The following EPHA6 variants were observed in gnomAD, a reference collection of about 807,000 sequenced individuals.
EPHA6 encodes the protein ephrin type-A receptor 6.
In EPHA6, 50 loss-of-function variants were observed where a neutral mutation model predicts 112.0. That is an observed-to-expected ratio of 0.45 (90% CI 0.36 to 0.56). EPHA6 has a LOEUF of 0.56. Ranked by LOEUF, EPHA6 falls within the 20% of genes least tolerant of loss-of-function variation. The probability of loss-of-function intolerance (pLI) is 0.00; values close to 1 mark genes in which losing one functional copy is unlikely to be tolerated. For synonymous variants in EPHA6, 529 were observed against 490.7 expected (o/e 1.08, Z -1.03); for missense variants, 1,280 against 1,417.4 (o/e 0.90, Z 1.56).
intron 10 of EPHA6, among the ~76,000 whole-genome samples, chr3:97,528,703 C>T (rs1346112052): frequency 1.3e-5 from 2 of 152,124 alleles, no homozygotes; most frequent in Non-Finnish European, 2.9e-5. Flanking sequence ...TTGTCTCTTA[C>T]TGCCTGTATG....
At chr3:97,716,642 G>A (rs531332251) in intron 14 of EPHA6, among the ~76,000 whole-genome samples, 1 of 151,270 alleles carries the variant, frequency 6.6e-6, no homozygotes, top group East Asian at 1.9e-4. Flanking sequence ...TGTAAGGAAC[G>A]GAGACTATGC....
chr3:97,283,372 T>C (rs2080353563), intron 5 of EPHA6, among the ~76,000 whole-genome samples: 2 of 152,192 alleles, frequency 1.3e-5, no homozygotes, highest in Admixed American at 6.5e-5. Flanking sequence ...CATTGAATCA[T>C]GTAACTATGC....
chr3:97,257,430 C>T (rs2079352494), intron 5 of EPHA6, among the ~76,000 whole-genome samples: 1 of 151,856 alleles, frequency 6.6e-6, no homozygotes, highest in African/African-American at 2.4e-5. Flanking sequence ...ATATGCATTA[C>T]AAAAAAACTT....
chr3:97,465,352 CCTT>C (rs1025963816), intron 7 of EPHA6, among the ~76,000 whole-genome samples: 2 of 152,016 alleles, frequency 1.3e-5, no homozygotes, highest in African/African-American at 4.8e-5. Flanking sequence ...GTGCCAAAAA[CCTT>C]CTTGCTGCTA....
At chr3:97,440,621 A>C (rs954263626) in intron 6 of EPHA6, among the ~76,000 whole-genome samples, 29 of 151,190 alleles carry the variant, frequency 1.9e-4, no homozygotes, top group African/African-American at 7.0e-4. Flanking sequence ...TAATATATTA[A>C]AGCATAATAG....
At chr3:97,327,793 T>C (rs1317319791) in intron 5 of EPHA6, among the ~76,000 whole-genome samples, 1 of 151,056 alleles carries the variant, frequency 6.6e-6, no homozygotes, top group African/African-American at 2.4e-5. Flanking sequence ...GTAGCAGTAC[T>C]ACATTCATTT....
Position 97,226,363 on chromosome 3 carries a change from A to G in EPHA6, c.1214A>G (p.Gln405Arg). The change falls in exon 4 of 18, where the codon CAG (glutamine) becomes CGG (arginine). Residue 405 changes from glutamine (Q) to arginine (R), a missense_variant. By Grantham distance (43) the Gln-to-Arg change is conservative. Coordinates refer to ENST00000389672, the MANE Select transcript of EPHA6 (RefSeq NM_001080448.3). ...LTYMEATSVC[Q>R]CEKGYFRAEK... ...TACATGGAAGCAACTTCTGTCTGTC[A>G]GTGTGAAAAGGGTTATTTCCGAGCT... 2 of 1,613,784 alleles carry G rather than the reference A, an allele frequency of 1.2e-6. No individual in the cohort carries two copies. Among genetic ancestry groups the G allele is most frequent in the Non-Finnish European group, 1.7e-6 (2 of 1,179,730 alleles).
chr3:97,581,539 A>G (rs2093437790), intron 11 of EPHA6, among the ~76,000 whole-genome samples: 1 of 152,254 alleles, frequency 6.6e-6, no homozygotes, highest in Non-Finnish European at 1.5e-5. Context: ...AAAATGTGAT[A>G]ATTTTACACA....
chr3:96,979,674 A>C (rs2042678271), intron 2 of EPHA6, among the ~76,000 whole-genome samples: 1 of 152,148 alleles, frequency 6.6e-6, no homozygotes, highest in African/African-American at 2.4e-5. Flanking sequence ...CCAACAGTGT[A>C]AAAGTGTTCC....
intron 2 of EPHA6, among the ~76,000 whole-genome samples, chr3:96,898,567 T>G (rs1194652179): frequency 1.3e-5 from 2 of 152,122 alleles, no homozygotes; most frequent in Admixed American, 1.3e-4. Context: ...GACTAATACA[T>G]CTTTGTGTAT....
intron 14 of EPHA6, among the ~76,000 whole-genome samples, chr3:97,638,691 T>C (rs1043691242): frequency 6.6e-6 from 1 of 152,188 alleles, no homozygotes; most frequent in Non-Finnish European, 1.5e-5. Context: ...TAAATATTTC[T>C]GACTGTCCTA....
intron 5 of EPHA6, among the ~76,000 whole-genome samples, chr3:97,358,783 T>TATTTA (rs2084215222): frequency 1.3e-5 from 2 of 152,124 alleles, no homozygotes; most frequent in Non-Finnish European, 2.9e-5. Flanking sequence ...TATCTGGGAA[T>TATTTA]ATTTAATTTC....
At position 97,750,251 on chromosome 3, in the gene EPHA6, C is replaced by T. The variant is rs1417984213; in HGVS notation, c.*1550C>T. Among the ~76,000 whole-genome samples the T allele has an allele frequency of 2.0e-5, 3 of 150,914 alleles. No homozygotes were observed. Among genetic ancestry groups the T allele is most frequent in the Admixed American group, 1.3e-4 (2 of 15,156 alleles). Reference sequence around the variant, plus strand: ...TCAGTGATAATGGTGCCCTACCTACCCTAATTCTCAAATTCCTATCTAAAT... The same window carrying T: ...TCAGTGATAATGGTGCCCTACCTACTCTAATTCTCAAATTCCTATCTAAAT... On this transcript the variant is annotated 3_prime_UTR_variant, in exon 18 of 18. Coordinates refer to ENST00000389672, the MANE Select transcript of EPHA6 (RefSeq NM_001080448.3).
At chr3:97,620,371 G>A (rs28785251) in intron 13 of EPHA6, among the ~76,000 whole-genome samples, 12 of 151,898 alleles carry the variant, frequency 7.9e-5, no homozygotes, top group Non-Finnish European at 1.3e-4. Flanking sequence ...AAAATTTTAT[G>A]ATGAAGACAC....
At chr3:97,165,690 A>G (rs2076525040) in intron 3 of EPHA6, among the ~76,000 whole-genome samples, 1 of 152,188 alleles carries the variant, frequency 6.6e-6, no homozygotes, top group African/African-American at 2.4e-5. Flanking sequence ...TTTCTGCAGA[A>G]GGAAATAAAG....
At chr3:96,887,946 CCCA>C (rs1226410208) in intron 2 of EPHA6, among the ~76,000 whole-genome samples, 1 of 152,040 alleles carries the variant, frequency 6.6e-6, no homozygotes, top group Non-Finnish European at 1.5e-5. Flanking sequence ...CCACTGTGCC[CCCA>C]CAACAACTCC....
chr3:97,006,550 A>G (rs1287090362), intron 3 of EPHA6, among the ~76,000 whole-genome samples: 1 of 151,912 alleles, frequency 6.6e-6, no homozygotes, highest in Non-Finnish European at 1.5e-5. Flanking sequence ...TTTTTTCAAA[A>G]AAACAGCTCC....
intron 7 of EPHA6, among the ~76,000 whole-genome samples, chr3:97,472,433 A>G (rs891620547): frequency 2.6e-5 from 4 of 151,754 alleles, no homozygotes; most frequent in African/African-American, 4.8e-5. Flanking sequence ...AGTTTGGCTC[A>G]TTCAAGGACT....
chr3:97,009,294 C>T (rs1293256610), intron 3 of EPHA6, among the ~76,000 whole-genome samples: 1 of 152,180 alleles, frequency 6.6e-6, no homozygotes, highest in Non-Finnish European at 1.5e-5. Context: ...AATTCTGTCC[C>T]TGATCCTCTG....
Sources: gnomAD v4.1 joint callset for allele counts (sites outside exome capture counted in the v4.1 genomes callset) on GRCh38, gnomAD v4.1.1 for gene constraint, MANE v1.5 for transcripts, NCBI Gene and HGNC (gene_info 2026-07-23, HGNC 2026-07-21) for gene names.